Variants in PLCG2 observed in about 807,000 individuals in gnomAD.
PLCG2 encodes the protein phospholipase C gamma 2.
PLCG2 carries 69 observed loss-of-function variants against 175.6 expected under a neutral mutation model. That is an observed-to-expected ratio of 0.39 (90% confidence interval 0.32 to 0.48). The LOEUF is 0.48. Ranked by LOEUF, PLCG2 falls within the 20% of genes least tolerant of loss-of-function variation. The pLI, the probability that PLCG2 is intolerant of heterozygous loss-of-function variation, is 0.91. For missense variants in PLCG2, 1,798 were observed against 1,650.9 expected (o/e 1.09, Z -1.54); for synonymous variants, 827 against 624.0 (o/e 1.33, Z -4.85).
chr16:81,905,196 A>G (rs1909313913), intron 14 of PLCG2, among the ~76,000 whole-genome samples: 1 of 152,284 alleles, frequency 6.6e-6, no homozygotes, highest in East Asian at 1.9e-4. Context: ...CAGTATGGGC[A>G]ATTTTTAGAT....
chr16:81,755,542 T>G (rs1909904262), intron 1 of PLCG2, among the ~76,000 whole-genome samples: 1 of 150,382 alleles, frequency 6.6e-6, no homozygotes, highest in Non-Finnish European at 1.5e-5. Context: ...CTCTTATTTT[T>G]TGAGACAGAG....
chr16:81,935,413 T>A (rs1910665892), intron 26 of PLCG2: 3 of 406,860 alleles, frequency 7.4e-6, no homozygotes, highest in Non-Finnish European at 9.9e-6. Flanking sequence ...CCTGGACATC[T>A]TTGGGGGCCA....
Position 81,760,757 on chromosome 16 carries a change from A to AAT in PLCG2, c.-48+4792_-48+4793insTA, listed in dbSNP as rs1555562066. Among the ~76,000 whole-genome samples, 1,352 of 146,390 alleles carry AAT rather than the reference A, an allele frequency of 9.2e-3. 10 individuals carry two copies. The highest frequency in any genetic ancestry group is 0.021 in the Middle Eastern group (6 of 284). On this transcript the variant is annotated intron_variant, in intron 2 of 5. Coordinates refer to the PLCG2 transcript ENST00000565054. ...GAGACCCCGTCTCTATTAAAAAAAA[A>AAT]AATAATAATAATAATAATAATAATT...
chr16:81,921,229 G>A lies in PLCG2; in HGVS notation c.2267G>A (p.Ser756Asn). ...ERDINSLYDV[S>N]RMYVDPSEIN... Reference sequence around the variant, plus strand: ...GATATAAACTCCCTCTACGACGTCAGCAGAATGTATGTGGATCCCAGTGAA... The same window carrying A: ...GATATAAACTCCCTCTACGACGTCAACAGAATGTATGTGGATCCCAGTGAA... The change falls in exon 21 of 33, where the codon AGC becomes AAC. Residue 756 changes from serine (S) to asparagine (N), a missense_variant. By Grantham distance (46) the Ser-to-Asn change is conservative (BLOSUM62 1). Coordinates refer to ENST00000564138, the MANE Select transcript of PLCG2 (RefSeq NM_002661.5). 1.2e-6 allele frequency: 2 copies of A among 1,607,472 alleles called. No homozygotes were observed. Among genetic ancestry groups the A allele is most frequent in the South Asian group, 1.1e-5 (1 of 90,916 alleles).
intron 2 of PLCG2, among the ~76,000 whole-genome samples, chr16:81,805,281 C>G (rs1380278716): frequency 1.3e-5 from 2 of 152,122 alleles, no homozygotes; most frequent in African/African-American, 2.4e-5. Flanking sequence ...GGATGGATCA[C>G]AAGGTCAGGA....
chr16:81,910,653 C>A lies in PLCG2; in HGVS notation c.1867C>A (p.Arg623Ser). The A allele has an allele frequency of 1.9e-6, 3 of 1,613,876 alleles. No individual in the cohort carries two copies. The highest frequency in any genetic ancestry group is 2.5e-6 in the Non-Finnish European group (3 of 1,180,008). ...CCAGCACTACCGCGAGACGCACCTG[C>A]GCTGCGCCGAGTTCGAGCTGCGGCT... The part of the protein sequence containing the change: ...LIQHYRETHL[R>S]CAEFELRLTD... Residue 623 changes from arginine to serine, a missense_variant, in exon 18 of 33, where the codon CGC becomes AGC. By Grantham distance (110) the Arg-to-Ser change is moderately radical. Transcript: ENST00000564138.
At chr16:81,740,138 C>CAAAAAAAAAGAA (rs1909555437) in intron 1 of PLCG2, 1 of 88,730 alleles carries the variant, frequency 1.1e-5, no homozygotes, top group Non-Finnish European at 2.1e-5. Flanking sequence ...ACTCTGTCTC[C>CAAAAAAAAAGAA]AAAAAAAAAA....
chr16:81,895,541 C>G (rs1364050129), intron 12 of PLCG2: 1 of 376,606 alleles, frequency 2.7e-6, no homozygotes, highest in Non-Finnish European at 4.9e-6. Context: ...GCCTGGGCAA[C>G]AGAGCGAGAC....
At chr16:81,950,489 A>G (rs1018333146) in intron 31 of PLCG2, among the ~76,000 whole-genome samples, 1 of 152,244 alleles carries the variant, frequency 6.6e-6, no homozygotes, top group African/African-American at 2.4e-5. Flanking sequence ...AGTCTTGTAT[A>G]TAAGAAATCA....
intron 24 of PLCG2, among the ~76,000 whole-genome samples, chr16:81,929,517 T>A (rs1250832184): frequency 6.6e-6 from 1 of 152,214 alleles, no homozygotes. Flanking sequence ...TGCCTCAGCC[T>A]CCTGAGTAGC....
At chr16:81,956,088 T>C (rs558109958) in intron 31 of PLCG2, among the ~76,000 whole-genome samples, 2 of 152,342 alleles carry the variant, frequency 1.3e-5, no homozygotes, top group South Asian at 2.1e-4. Flanking sequence ...CCCGGTGACC[T>C]TTAACCTACT....
At chr16:81,939,488 G>A (rs1287299295) in intron 29 of PLCG2, among the ~76,000 whole-genome samples, 1 of 152,178 alleles carries the variant, frequency 6.6e-6, no homozygotes, top group Non-Finnish European at 1.5e-5. Context: ...ATTGCTGCTT[G>A]CCTGCTCTGT....
intron 23 of PLCG2, among the ~76,000 whole-genome samples, chr16:81,927,650 GT>G (rs1567536462): frequency 1.3e-5 from 2 of 152,154 alleles, no homozygotes; most frequent in African/African-American, 4.8e-5. Flanking sequence ...CACTTTCAGC[GT>G]GCTAGCACTC....
intron 2 of PLCG2, among the ~76,000 whole-genome samples, chr16:81,761,048 C>T (rs145637036): frequency 1.3e-3 from 192 of 152,246 alleles, no homozygotes; most frequent in African/African-American, 3.7e-3. Context: ...AAGTGCGCAC[C>T]ACCACACTTG....
chr16:81,879,982 G>T (rs777709495), intron 7 of PLCG2, among the ~76,000 whole-genome samples: 1 of 152,330 alleles, frequency 6.6e-6, no homozygotes. Flanking sequence ...AATGTTGCCT[G>T]TAATCCCAGC....
At chr16:81,870,080 C>T (rs1462551168) in intron 6 of PLCG2, among the ~76,000 whole-genome samples, 1 of 152,172 alleles carries the variant, frequency 6.6e-6, no homozygotes, top group Non-Finnish European at 1.5e-5. Context: ...GCTTATCAAG[C>T]ATCCTTTGAC....
intron 2 of PLCG2, among the ~76,000 whole-genome samples, chr16:81,826,489 C>T (rs570906526): frequency 4.7e-4 from 72 of 152,288 alleles, no homozygotes; most frequent in African/African-American, 1.1e-3. Context: ...CTGATAAAAT[C>T]GCAATAATAG....
At chr16:81,758,973 C>G (rs370590577) in intron 2 of PLCG2, among the ~76,000 whole-genome samples, 1 of 152,190 alleles carries the variant, frequency 6.6e-6, no homozygotes, top group Non-Finnish European at 1.5e-5. Flanking sequence ...CCACCGCACC[C>G]GGCTATCGTC....
intron 6 of PLCG2, among the ~76,000 whole-genome samples, chr16:81,869,503 G>T (rs1175009940): frequency 3.0e-4 from 46 of 152,298 alleles, no homozygotes; most frequent in Non-Finnish European, 1.5e-5. Flanking sequence ...AATCAATAAA[G>T]ACCATGTTTA....
Sources: allele counts gnomAD v4.1 joint callset (sites outside exome capture counted in the v4.1 genomes callset), GRCh38; gene constraint gnomAD v4.1.1; transcripts MANE v1.5; gene names NCBI Gene and HGNC (gene_info 2026-07-23, HGNC 2026-07-21).